Variants in BRSK1 observed in about 807,000 individuals in gnomAD.
BRSK1 encodes serine/threonine-protein kinase BRSK1.
A neutral mutation model predicts 86.2 loss-of-function variants in BRSK1; 17 were observed. The ratio of observed to expected loss-of-function variants is 0.20; its 90% CI spans 0.14 to 0.30. The LOEUF is 0.30. Among genes scored for constraint, BRSK1 ranks in the 10% least tolerant of loss-of-function variants. The probability of loss-of-function intolerance (pLI) is 1.00; values close to 1 mark genes in which losing one functional copy is unlikely to be tolerated. For synonymous variants in BRSK1, 464 were observed against 440.1 expected (o/e 1.05, Z -0.68); for missense variants, 719 against 1,071.9 (o/e 0.67, Z 4.60).
Position 55,294,171 on chromosome 19 carries a change from G to T in BRSK1, c.575+38G>T, listed in dbSNP as rs761004264. The T allele has an allele frequency of 2.5e-6, 4 of 1,611,806 alleles. No individual in the cohort carries two copies. The highest frequency in any genetic ancestry group is 1.7e-5 in the Admixed American group (1 of 59,964). On this transcript the variant is annotated intron_variant, in intron 5 of 18. Coordinates refer to ENST00000309383, the MANE Select transcript of BRSK1 (RefSeq NM_032430.2). This position sits in a 1 kb window ranked among gnomAD's most constrained non-coding sequence, Gnocchi z 4.9. The stretch of plus-strand genomic sequence containing the variant: ...TGGGCTCCCGAGACCCTGGGCAGGG[G>T]TTTAGAAGCTGGCTGGAGGCTCACA...
intron 4 of BRSK1, among the ~76,000 whole-genome samples, 194 bp downstream of exon 4, chr19:55,289,814 G>A (rs1389414980): frequency 6.6e-6 from 1 of 152,076 alleles, no homozygotes; most frequent in Non-Finnish European, 1.5e-5. Context: ...ATTTGCAGTG[G>A]TATACATCTG....
In BRSK1 at chr19:55,302,083, C is replaced by G; in HGVS notation, c.826-54C>G. 1 of 1,609,160 alleles carries G rather than the reference C, an allele frequency of 6.2e-7. No homozygotes were observed. The highest frequency in any genetic ancestry group is 1.1e-5 in the South Asian group (1 of 91,002). Reference sequence around the variant, plus strand: ...ACCACCCCAGTCTTTCATTGCGCGCCTACATGTGCCTACGACCTCACTTCT... The same window carrying G: ...ACCACCCCAGTCTTTCATTGCGCGCGTACATGTGCCTACGACCTCACTTCT... On this transcript the variant is annotated intron_variant, in intron 8 of 18. Transcript: ENST00000309383. This position sits in a 1 kb window ranked among gnomAD's most constrained non-coding sequence, Gnocchi z 6.3.
chr19:55,294,408 C>T lies in BRSK1; in HGVS notation c.678+11C>T. ...TTCGCCCTGCTCGTGGTAAGGCGCC[C>T]TCACCTCTCCTGTCATTTCTAGATC... is the stretch of plus-strand genomic sequence containing the variant. On this transcript the variant is annotated intron_variant, in intron 7 of 18. Coordinates refer to ENST00000309383, the MANE Select transcript of BRSK1 (RefSeq NM_032430.2). The surrounding 1 kb of genome is among the most constrained non-coding windows in gnomAD (Gnocchi z 4.9). 1 of 1,613,126 alleles carries T rather than the reference C, an allele frequency of 6.2e-7. No homozygotes were observed. Among genetic ancestry groups the T allele is most frequent in the Non-Finnish European group, 8.5e-7 (1 of 1,179,676 alleles).
At chr19:55,301,772 CTG>C in intron 8 of BRSK1, 114 bp downstream of exon 8, 1 of 1,291,592 alleles carries the variant, frequency 7.7e-7, no homozygotes, top group Non-Finnish European at 1.0e-6. Context: ...CCCAGGGTGA[CTG>C]GGATCGCCAG....
At position 55,287,076 on chromosome 19, in the gene BRSK1, A is replaced by G; in HGVS notation, c.206A>G (p.Lys69Arg). ...GCCATCAAGATCGTGAACCGGGAGA[A>G]GCTGTCGGAGTCGGTGCTGATGAAG... ...KVAIKIVNRE[K>R]LSESVLMKVE... The change falls in exon 2 of 19, where the codon AAG becomes AGG. Residue 69 changes from lysine (K) to arginine (R), a missense_variant. Coordinates refer to ENST00000309383, the MANE Select transcript of BRSK1 (RefSeq NM_032430.2). This position sits in a 1 kb window ranked among gnomAD's most constrained non-coding sequence, Gnocchi z 5.3. 1 of 1,610,180 alleles carries G rather than the reference A, an allele frequency of 6.2e-7. No individual in the cohort carries two copies.
Position 55,289,460 on chromosome 19 carries a change from GC to G in BRSK1, c.318-15del. 1.2e-6 allele frequency: 2 copies of G among 1,605,854 alleles called. No individual in the cohort carries two copies. The highest frequency in any genetic ancestry group is 1.7e-6 in the Non-Finnish European group (2 of 1,176,276). On this transcript the variant is annotated intron_variant, in intron 3 of 18. Transcript: ENST00000309383. Reference sequence around the variant, plus strand: ...CTCCACATGCCCCTTCCAGCCCTCTGCCCCCTCTATATCCTTTAGGTACCTG... The same window carrying G: ...CTCCACATGCCCCTTCCAGCCCTCTGCCCCTCTATATCCTTTAGGTACCTG...
chr19:55,306,059 C>T lies in BRSK1; in HGVS notation c.1891-193C>T, dbSNP rs2088645589. Among the ~76,000 whole-genome samples the T allele has an allele frequency of 2.6e-5, 4 of 152,320 alleles. 1 individual carries two copies. In the South Asian group the frequency reaches 8.3e-4, roughly 32 times the overall value. ...TCATGATGTTAGGGGGATGTCCAAC[C>T]ATTCCTCCCTTACTCGCTGATAGGA... is the stretch of plus-strand genomic sequence containing the variant. On this transcript the variant is annotated intron_variant, in intron 16 of 18. Transcript: ENST00000309383. The surrounding 1 kb of genome is among the most constrained non-coding windows in gnomAD (Gnocchi z 4.7).
At chr19:55,309,962 G>A (rs1009443658) in intron 18 of BRSK1, among the ~76,000 whole-genome samples, 3 of 152,162 alleles carry the variant, frequency 2.0e-5, no homozygotes, top group Non-Finnish European at 4.4e-5. Flanking sequence ...GCCCCTTCCT[G>A]GACCCCTGGA....
At position 55,284,088 on chromosome 19, in the gene BRSK1, G is replaced by A; in HGVS notation, c.-355G>A. The stretch of plus-strand genomic sequence containing the variant: ...GGCGGAGGAGAGAGGGCGCGTGGGG[G>A]GGCGGGGGGGACCTCGGCCTGCAGC... On this transcript the variant is annotated 5_prime_UTR_variant, in exon 1 of 19. Coordinates refer to ENST00000309383, the MANE Select transcript of BRSK1 (RefSeq NM_032430.2). 1.8e-6 allele frequency: 1 copy of A among 551,772 alleles called. No homozygotes were observed. Among genetic ancestry groups the A allele is most frequent in the Non-Finnish European group, 2.7e-6 (1 of 367,090 alleles). 34.2% of individuals were successfully genotyped at this position (551,772 alleles called of 1,614,324 possible).
At position 55,304,920 on chromosome 19, in the gene BRSK1, G is replaced by T; in HGVS notation, c.1717G>T (p.Val573Phe). The T allele has an allele frequency of 6.2e-7, 1 of 1,606,860 alleles. No homozygotes were observed. ...SPRFHRRKMQ[V>F]PTAEEMSSLT... ...TCGCTTTCACCGGCGCAAGATGCAGGGTATGGGGGCATGAACTGCCGAGTC... is the reference window on the plus strand; with the variant it reads ...TCGCTTTCACCGGCGCAAGATGCAGTGTATGGGGGCATGAACTGCCGAGTC... Residue 573 changes from valine (V) to phenylalanine (F), a missense_variant and splice_region_variant, in exon 14 of 19, where the codon GTC becomes TTC. By Grantham distance (50) the Val-to-Phe change is conservative. Transcript: ENST00000309383. The surrounding 1 kb of genome is among the most constrained non-coding windows in gnomAD (Gnocchi z 5.2).
chr19:55,301,978 C>T, intron 8 of BRSK1, 159 bp from the exon 9 acceptor site: 1 of 940,626 alleles, frequency 1.1e-6, no homozygotes, highest in Admixed American at 1.7e-5. Context: ...GGGCGATGCA[C>T]TCAGTCGCCA....
In BRSK1 at chr19:55,303,275, G is replaced by A. The variant is rs1198593932; in HGVS notation, c.1029-36G>A. On this transcript the variant is annotated intron_variant, in intron 10 of 18. Coordinates refer to ENST00000309383, the MANE Select transcript of BRSK1 (RefSeq NM_032430.2). This position sits in a 1 kb window ranked among gnomAD's most constrained non-coding sequence, Gnocchi z 5.1. ...CATTGATGTTGGACCTCAGCCCTCT[G>A]CTACCTCTTTCCACCTTTCCCACCC... 1 of 1,541,340 alleles carries A rather than the reference G, an allele frequency of 6.5e-7. No homozygotes were observed. Among genetic ancestry groups the A allele is most frequent in the South Asian group, 1.1e-5 (1 of 89,560 alleles).
intron 3 of BRSK1, among the ~76,000 whole-genome samples, chr19:55,288,573 T>C (rs375992052): frequency 1.3e-5 from 2 of 151,506 alleles, no homozygotes; most frequent in African/African-American, 4.8e-5. Context: ...GGAAGGGAGT[T>C]TGGGGGTTTT....
chr19:55,289,910 G>A (rs1014420539), intron 4 of BRSK1, among the ~76,000 whole-genome samples: 2 of 150,848 alleles, frequency 1.3e-5, no homozygotes, highest in African/African-American at 2.4e-5. Context: ...CCCAGCCCCC[G>A]GCAACCTATG....
Position 55,306,712 on chromosome 19 carries a change from T to A in BRSK1, c.2089+262T>A, listed in dbSNP as rs2088655828. ...GAAGCTTCCAAGCAGCCTACTGAGG[T>A]GTTAGTAATCACCCATTTTACGGAG... On this transcript the variant is annotated intron_variant, in intron 17 of 18. Transcript: ENST00000309383. This position sits in a 1 kb window ranked among gnomAD's most constrained non-coding sequence, Gnocchi z 4.7. Among the ~76,000 whole-genome samples the A allele has an allele frequency of 6.6e-6, 1 of 151,994 alleles. No individual in the cohort carries two copies. The highest frequency in any genetic ancestry group is 1.5e-5 in the Non-Finnish European group (1 of 68,004).
rs1248650936 is a variant in BRSK1 at position 55,306,127 on chromosome 19, T to C, written c.1891-125T>C. On this transcript the variant is annotated intron_variant, in intron 16 of 18. Coordinates refer to ENST00000309383, the MANE Select transcript of BRSK1 (RefSeq NM_032430.2). The surrounding 1 kb of genome is among the most constrained non-coding windows in gnomAD (Gnocchi z 4.7). ...CCTTGCAGGCAGTGGGGCCTCCCAA[T>C]GCATTTCCTGTCCTTCTTTCCCTCC... 2.2e-6 allele frequency: 2 copies of C among 914,352 alleles called. No homozygotes were observed. Among genetic ancestry groups the C allele is most frequent in the African/African-American group, 1.7e-5 (1 of 60,450 alleles). 56.6% of individuals were successfully genotyped at this position (914,352 alleles called of 1,614,324 possible). A position where few individuals can be genotyped will look rare whatever the true frequency, so the allele number is the denominator to read the frequency against.
At chr19:55,291,281 G>A (rs1708014698) in intron 4 of BRSK1, among the ~76,000 whole-genome samples, 2 of 151,718 alleles carry the variant, frequency 1.3e-5, no homozygotes, top group Non-Finnish European at 2.9e-5. Flanking sequence ...GCACATGCCT[G>A]TAATCCCAGC....
rs1193467825 is a variant in BRSK1 at position 55,302,889 on chromosome 19, A to AC, written c.1028+25dup. 1.3e-6 allele frequency: 2 copies of AC among 1,599,672 alleles called. No individual in the cohort carries two copies. The highest frequency in any genetic ancestry group is 1.3e-5 in the African/African-American group (1 of 74,618). ...AGGAGTAAGACCCCAAGACCCCTGC[A>AC]CCCGTGTACCCACGTGGGGCGAGCT... On this transcript the variant is annotated intron_variant, in intron 10 of 18. Coordinates refer to ENST00000309383, the MANE Select transcript of BRSK1 (RefSeq NM_032430.2). This position sits in a 1 kb window ranked among gnomAD's most constrained non-coding sequence, Gnocchi z 6.3.
chr19:55,292,765 CG>C (rs1727480942), intron 4 of BRSK1, among the ~76,000 whole-genome samples: 1 of 151,108 alleles, frequency 6.6e-6, no homozygotes, highest in Admixed American at 6.6e-5. Context: ...GCCCAGGAGA[CG>C]GAGGTTGCAG....
Sources: allele counts gnomAD v4.1 joint callset (sites outside exome capture counted in the v4.1 genomes callset), GRCh38; gene constraint gnomAD v4.1.1; non-coding constraint Gnocchi (gnomAD v3.1); transcripts MANE v1.5; gene names NCBI Gene and HGNC (gene_info 2026-07-23, HGNC 2026-07-21).